Variants in C10orf67 observed in about 807,000 individuals in gnomAD.
The protein encoded by C10orf67 is uncharacterized protein C10orf67, mitochondrial.
In C10orf67, 60 loss-of-function variants were observed where a neutral mutation model predicts 35.6. That is an observed-to-expected ratio of 1.68 (90% confidence interval 1.37 to 2.09). C10orf67 has a LOEUF of 2.09. Ranked by LOEUF, C10orf67 falls within the 30% of genes most tolerant of loss-of-function variation. C10orf67 has a pLI of 0.00. For synonymous variants in C10orf67, 167 were observed against 115.8 expected, an observed-to-expected ratio of 1.44 and a Z score of -2.84; for missense variants, 474 against 330.2, an observed-to-expected ratio of 1.44 and a Z score of -3.38.
At chr10:23,336,044 T>C (rs1241675461) in intron 1 of C10orf67, among the ~76,000 whole-genome samples, 1 of 152,144 alleles carries the variant, frequency 6.6e-6, no homozygotes, top group African/African-American at 2.4e-5. Context: ...GAGTCAGGCA[T>C]AGAAGAACAG....
chr10:23,297,974 G>A (rs1002620358), intron 5 of C10orf67, among the ~76,000 whole-genome samples: 1 of 151,876 alleles, frequency 6.6e-6, no homozygotes, highest in Non-Finnish European at 1.5e-5. Flanking sequence ...AGGCCAACCC[G>A]GCCGGGCATG....
intron 13 of C10orf67, among the ~76,000 whole-genome samples, chr10:23,226,687 C>T (rs921394707): frequency 6.6e-6 from 1 of 152,002 alleles, no homozygotes; most frequent in Non-Finnish European, 1.5e-5. Flanking sequence ...ATTGATAGAA[C>T]ACTAGCAAGA....
At chr10:23,284,519 C>CAA (rs937354576) in intron 7 of C10orf67, among the ~76,000 whole-genome samples, 2 of 132,532 alleles carry the variant, frequency 1.5e-5, no homozygotes, top group African/African-American at 2.8e-5. Flanking sequence ...ACCATCTCCA[C>CAA]AAAAAAAAAA....
intron 4 of C10orf67, among the ~76,000 whole-genome samples, chr10:23,306,032 T>C (rs1844262449): frequency 6.6e-6 from 1 of 151,910 alleles, no homozygotes; most frequent in South Asian, 2.1e-4. Flanking sequence ...TTTACAATGG[T>C]AGTATGTACA....
chr10:23,303,631 A>T (rs540104880), intron 4 of C10orf67, among the ~76,000 whole-genome samples, 172 bp from the exon 5 acceptor site: 110 of 152,372 alleles, frequency 7.2e-4, no homozygotes, highest in African/African-American at 2.6e-3. Flanking sequence ...AATTTTAGTA[A>T]GCAACTTTAT....
intron 15 of C10orf67, among the ~76,000 whole-genome samples, chr10:23,221,285 G>T (rs1291239079): frequency 1.3e-5 from 2 of 152,140 alleles, no homozygotes; most frequent in East Asian, 3.9e-4. Flanking sequence ...CAGATCTCAT[G>T]AGAACTTACT....
At chr10:23,272,562 T>C (rs117759189) in intron 8 of C10orf67, among the ~76,000 whole-genome samples, 2 of 152,382 alleles carry the variant, frequency 1.3e-5, no homozygotes, top group East Asian at 1.9e-4. Flanking sequence ...TTTATCCTTA[T>C]GCCAAGACCA....
chr10:23,269,944 A>G (rs1842973753), intron 8 of C10orf67, among the ~76,000 whole-genome samples: 1 of 152,188 alleles, frequency 6.6e-6, no homozygotes. Flanking sequence ...ATTGATAGAA[A>G]CAAAAAAATT....
chr10:23,201,980 T>A (rs1841044788), downstream of C10orf67: 1 of 152,260 alleles, frequency 6.6e-6, no homozygotes, highest in South Asian at 2.1e-4. Flanking sequence ...TCAACTAACT[T>A]TTATTTACCT....
intron 12 of C10orf67, among the ~76,000 whole-genome samples, chr10:23,246,702 C>A (rs1288028075): frequency 6.6e-6 from 1 of 152,098 alleles, no homozygotes; most frequent in Non-Finnish European, 1.5e-5. Context: ...AATCCTGACC[C>A]TGTGTAGGCT....
chr10:23,289,910 GT>G lies in C10orf67; in HGVS notation c.898del (p.Thr300LeufsTer5), dbSNP rs1843665714. ...AAAACGTTATAGTACCTTTTGAATA[GT>G]TTTGTGATCCTTTTCTGCCATCTCT... ...MKEMAEKDHK[T>X]IQKLMDSRDR... is the part of the protein sequence containing the mutation. On this transcript the variant is annotated frameshift_variant, in exon 7 of 16. Transcript: ENST00000636213. LOFTEE classifies it high-confidence loss of function. 3 of 716,924 alleles carry G rather than the reference GT, an allele frequency of 4.2e-6. No individual in the cohort carries two copies. Among genetic ancestry groups the G allele is most frequent in the Non-Finnish European group, 7.8e-6 (3 of 384,820 alleles). 44.4% of individuals were successfully genotyped at this position (716,924 alleles called of 1,614,324 possible).
chr10:23,202,459 A>C (rs1056274753), downstream of C10orf67: 3 of 147,132 alleles, frequency 2.0e-5, no homozygotes, highest in South Asian at 2.2e-4. Context: ...TGCATTTCTC[A>C]GCAGGGATTT....
In C10orf67 at chr10:23,300,043, C is replaced by T. The variant is rs1040307080; in HGVS notation, c.702+3261G>A. 5.3e-5 allele frequency among the ~76,000 whole-genome samples: 8 copies of T among 152,018 alleles called. No homozygotes were observed. In the East Asian group the frequency reaches 7.8e-4, roughly 15 times the overall value. On this transcript the variant is annotated intron_variant, in intron 5 of 15. Coordinates refer to ENST00000636213, the MANE Select transcript of C10orf67 (RefSeq NM_001371909.1). ...TCCAGGAGACAGTTAACCTCCTGGC[C>T]TTCAATGGTCAAGCATATCTGGGGC... is the stretch of plus-strand genomic sequence containing the variant.
intron 10 of C10orf67, among the ~76,000 whole-genome samples, chr10:23,251,512 C>T (rs11013351): frequency 0.18 from 27,811 of 152,090 alleles, 2,809 homozygotes; most frequent in Admixed American, 0.29. Flanking sequence ...ATGAATGAAT[C>T]TCTAATAGCT....
chr10:23,339,863 C>T (rs868690110), intron 1 of C10orf67, among the ~76,000 whole-genome samples: 27 of 152,278 alleles, frequency 1.8e-4, no homozygotes, highest in Middle Eastern at 6.8e-3. Flanking sequence ...CTGAGTGCTA[C>T]ATCAATATAG....
chr10:23,206,384 G>T (rs1159503216), intron 15 of C10orf67, among the ~76,000 whole-genome samples: 2 of 152,176 alleles, frequency 1.3e-5, no homozygotes, highest in Non-Finnish European at 2.9e-5. Flanking sequence ...ATGCATTTTT[G>T]TTGGCACCAC....
At chr10:23,273,420 T>A in intron 8 of C10orf67, among the ~76,000 whole-genome samples, 1 of 152,240 alleles carries the variant, frequency 6.6e-6, no homozygotes, top group Admixed American at 6.5e-5. Context: ...TGCTTTTTCT[T>A]CATCCACCTG....
At chr10:23,267,801 G>C (rs909005026) in intron 8 of C10orf67, among the ~76,000 whole-genome samples, 1 of 151,962 alleles carries the variant, frequency 6.6e-6, no homozygotes, top group Non-Finnish European at 1.5e-5. Flanking sequence ...AGCTACTTGG[G>C]AGGCTGAGGC....
At chr10:23,271,522 A>G (rs1412181867) in intron 8 of C10orf67, among the ~76,000 whole-genome samples, 1 of 152,246 alleles carries the variant, frequency 6.6e-6, no homozygotes, top group Non-Finnish European at 1.5e-5. Flanking sequence ...ATGGTTGTAT[A>G]GTTTACATTT....
Sources: allele counts gnomAD v4.1 joint callset (sites outside exome capture counted in the v4.1 genomes callset), GRCh38; gene constraint gnomAD v4.1.1; transcripts MANE v1.5; gene names NCBI Gene and HGNC (gene_info 2026-07-23, HGNC 2026-07-21).